PHACTR2: variants seen among roughly 807,000 people sequenced by gnomAD.
PHACTR2 encodes phosphatase and actin regulator 2, also known as chromosome 6 open reading frame 56.
PHACTR2 carries 30 observed loss-of-function variants against 76.0 expected under a neutral mutation model. The ratio of observed to expected loss-of-function variants is 0.39; its 90% CI spans 0.30 to 0.54. The LOEUF (loss-of-function observed/expected upper bound fraction) is 0.54, where lower values mean the gene tolerates loss of function less well. PHACTR2 is among the 20% of genes least tolerant of loss of function. The pLI is 0.61. For synonymous variants in PHACTR2, 292 were observed against 292.5 expected (o/e 1.00, Z 0.02); for missense variants, 696 against 781.1 (o/e 0.89, Z 1.30).
Position 143,654,153 on chromosome 6 carries a change from C to G in PHACTR2, c.13+45831C>G, listed in dbSNP as rs1776807725. Among the ~76,000 whole-genome samples, 1 of 152,276 alleles carries G rather than the reference C, an allele frequency of 6.6e-6. No homozygotes were observed. The highest frequency in any genetic ancestry group is 2.4e-5 in the African/African-American group (1 of 41,552). ...ATCAGGGAAATACAAATCAAAACCA[C>G]AAGAGACCACTTTATACCCATGGGA... On this transcript the variant is annotated intron_variant, in intron 1 of 11. Coordinates refer to the PHACTR2 transcript ENST00000305766. The surrounding 1 kb of genome is among the most constrained non-coding windows in gnomAD (Gnocchi z 4.6).
chr6:143,569,381 C>A (rs567290204), intron 1 of PHACTR2, among the ~76,000 whole-genome samples: 2 of 152,154 alleles, frequency 1.3e-5, no homozygotes, highest in Non-Finnish European at 2.9e-5. Context: ...TCATGTGGCC[C>A]ACAATGGACT....
Position 143,772,988 on chromosome 6 carries a change from G to C in PHACTR2, c.1432+531G>C, listed in dbSNP as rs1299548019. Reference sequence around the variant, plus strand: ...CTAATTTTGGGAGGCTAACGTGGGTGAATCCCTTGAGGTCAGGAGTTCGAG... The same window carrying C: ...CTAATTTTGGGAGGCTAACGTGGGTCAATCCCTTGAGGTCAGGAGTTCGAG... On this transcript the variant is annotated intron_variant, in intron 7 of 12. Transcript: ENST00000440869. The surrounding 1 kb of genome is among the most constrained non-coding windows in gnomAD (Gnocchi z 5.4). Among the ~76,000 whole-genome samples the C allele has an allele frequency of 6.6e-6, 1 of 152,234 alleles. No individual in the cohort carries two copies. Among genetic ancestry groups the C allele is most frequent in the Admixed American group, 6.5e-5 (1 of 15,288 alleles).
rs1331938994 is a variant in PHACTR2 at position 143,563,562 on chromosome 6, A to AACAAAAC, written c.217+26356_217+26357insCAAAACA. 6.6e-5 allele frequency among the ~76,000 whole-genome samples: 10 copies of AACAAAAC among 151,186 alleles called. 1 individual carries two copies. The highest frequency in any genetic ancestry group is 1.5e-4 in the Non-Finnish European group (10 of 67,668). On this transcript the variant is annotated intron_variant, in intron 1 of 11. Coordinates refer to the PHACTR2 transcript ENST00000367584. ...CACAAACTCCGTCTCAAAAAAAAAA[A>AACAAAAC]AAAAAAAAAGAAGAAACCCTGTGTT...
intron 1 of PHACTR2, among the ~76,000 whole-genome samples, chr6:143,630,417 A>G (rs542454784): frequency 7.2e-5 from 11 of 152,002 alleles, no homozygotes; most frequent in African/African-American, 2.6e-4. Flanking sequence ...ACTACCTACC[A>G]GTTTTATCCA....
rs958900718 is a variant in PHACTR2 at position 143,827,167 on chromosome 6, T to G, written c.*3478T>G. 2 of 83,412 alleles carry G rather than the reference T, an allele frequency of 2.4e-5. No individual in the cohort carries two copies. The highest frequency in any genetic ancestry group is 8.4e-5 in the African/African-American group (2 of 23,950). 5.2% of individuals were successfully genotyped at this position (83,412 alleles called of 1,614,324 possible). A position where few individuals can be genotyped will look rare whatever the true frequency, so the allele number is the denominator to read the frequency against. On this transcript the variant is annotated 3_prime_UTR_variant, in exon 13 of 13. Transcript: ENST00000440869. ...CATTAAAAAAGAAAATATATATATA[T>G]ATATATATATATATATATATATATA... is the stretch of plus-strand genomic sequence containing the variant.
chr6:143,565,993 T>C (rs1047088177), intron 1 of PHACTR2, among the ~76,000 whole-genome samples: 7 of 152,128 alleles, frequency 4.6e-5, no homozygotes, highest in African/African-American at 1.4e-4. Context: ...TCAGGAGGCT[T>C]GTGGGGGGTT....
At position 143,761,924 on chromosome 6, in the gene PHACTR2, C is replaced by A. The variant is rs1779452295; in HGVS notation, c.694+1284C>A. On this transcript the variant is annotated intron_variant, in intron 5 of 12. Coordinates refer to ENST00000440869, the MANE Select transcript of PHACTR2 (RefSeq NM_001100164.2). This position sits in a 1 kb window ranked among gnomAD's most constrained non-coding sequence, Gnocchi z 5.2. ...CAGATCTCTGAATGCCAATAGACATCCCTCTCCCTGTGCTCCTCATGTCCC... is the reference window on the plus strand; with the variant it reads ...CAGATCTCTGAATGCCAATAGACATACCTCTCCCTGTGCTCCTCATGTCCC... Among the ~76,000 whole-genome samples, 1 of 152,132 alleles carries A rather than the reference C, an allele frequency of 6.6e-6. No homozygotes were observed. The highest frequency in any genetic ancestry group is 2.4e-5 in the African/African-American group (1 of 41,406).
intron 1 of PHACTR2, among the ~76,000 whole-genome samples, chr6:143,640,970 T>G (rs1453670809): frequency 6.6e-6 from 1 of 152,176 alleles, no homozygotes; most frequent in Non-Finnish European, 1.5e-5. Context: ...GTCTGTTTTA[T>G]GCTTCTGTAA....
At chr6:143,620,189 G>A (rs898918916) in intron 1 of PHACTR2, among the ~76,000 whole-genome samples, 4 of 152,154 alleles carry the variant, frequency 2.6e-5, no homozygotes, top group African/African-American at 9.7e-5. Context: ...TAAAGCTCCA[G>A]CTTTAACTTC....
chr6:143,727,909 G>T (rs1778609705), intron 2 of PHACTR2, among the ~76,000 whole-genome samples: 1 of 152,142 alleles, frequency 6.6e-6, no homozygotes, highest in Admixed American at 6.5e-5. Context: ...AAAGTTAAAA[G>T]CCTTTCCTCT....
intron 1 of PHACTR2, among the ~76,000 whole-genome samples, chr6:143,576,826 A>G (rs1417650526): frequency 2.8e-5 from 4 of 143,888 alleles, no homozygotes; most frequent in Non-Finnish European, 6.0e-5. Context: ...CAGTGAGCCG[A>G]ACTCGTACCA....
Position 143,822,282 on chromosome 6 carries a change from C to G in PHACTR2, c.1923-1392C>G, listed in dbSNP as rs1438248619. Reference sequence around the variant, plus strand: ...ACTCAAGGCTGTCCTCCCACCTCAACCTCCCAAGCAGCTGGGATTACAGGT... The same window carrying G: ...ACTCAAGGCTGTCCTCCCACCTCAAGCTCCCAAGCAGCTGGGATTACAGGT... On this transcript the variant is annotated intron_variant, in intron 12 of 12. Transcript: ENST00000440869. This position sits in a 1 kb window ranked among gnomAD's most constrained non-coding sequence, Gnocchi z 5.5. Among the ~76,000 whole-genome samples, 1 of 152,144 alleles carries G rather than the reference C, an allele frequency of 6.6e-6. No individual in the cohort carries two copies. Among genetic ancestry groups the G allele is most frequent in the African/African-American group, 2.4e-5 (1 of 41,432 alleles).
chr6:143,702,651 G>A (rs1239382657), intron 1 of PHACTR2, among the ~76,000 whole-genome samples: 2 of 151,986 alleles, frequency 1.3e-5, no homozygotes, highest in Non-Finnish European at 2.9e-5. Flanking sequence ...ATAGCATAAT[G>A]TGAAAGTACT....
chr6:143,777,252 C>T lies in PHACTR2; in HGVS notation c.1590-76C>T. 1 of 742,148 alleles carries T rather than the reference C, an allele frequency of 1.3e-6. No individual in the cohort carries two copies. The highest frequency in any genetic ancestry group is 2.3e-6 in the Non-Finnish European group (1 of 435,254). The allele number at this position is 742,148 out of a possible 1,614,324, so 46.0% of individuals were successfully genotyped here. On this transcript the variant is annotated intron_variant, in intron 8 of 12. Transcript: ENST00000440869. The surrounding 1 kb of genome is among the most constrained non-coding windows in gnomAD (Gnocchi z 4.6). ...ATTTCTCAAAACATGAAAAATAGAG[C>T]TTTGTTGTTTTATTCTGAGTCTCCT...
At chr6:143,746,736 T>A (rs1779075435) in intron 2 of PHACTR2, among the ~76,000 whole-genome samples, 1 of 152,164 alleles carries the variant, frequency 6.6e-6, no homozygotes, top group Non-Finnish European at 1.5e-5. Flanking sequence ...TTTGGCTTCC[T>A]GCCGTTGATA....
intron 1 of PHACTR2, among the ~76,000 whole-genome samples, chr6:143,666,233 T>A (rs1026473892): frequency 1.3e-5 from 2 of 152,238 alleles, no homozygotes; most frequent in East Asian, 3.8e-4. Flanking sequence ...CTGCATAGTA[T>A]TCCATGGTGT....
intron 1 of PHACTR2, among the ~76,000 whole-genome samples, chr6:143,567,520 T>A (rs1013487409): frequency 2.0e-5 from 3 of 152,222 alleles, no homozygotes; most frequent in Admixed American, 6.5e-5. Context: ...TGTCTGAGCC[T>A]CCTGCGTAGC....
intron 1 of PHACTR2, among the ~76,000 whole-genome samples, chr6:143,649,246 G>C (rs1296597751): frequency 6.6e-6 from 1 of 152,156 alleles, no homozygotes; most frequent in Non-Finnish European, 1.5e-5. Flanking sequence ...GATAAGGAGG[G>C]TGTGAAACAG....
At chr6:143,759,135 T>C (rs1259700364) in intron 4 of PHACTR2, among the ~76,000 whole-genome samples, 3 of 152,232 alleles carry the variant, frequency 2.0e-5, no homozygotes, top group East Asian at 1.9e-4. Flanking sequence ...CAGATGTGAA[T>C]ATATGAATGA....
Sources: allele counts gnomAD v4.1 joint callset (sites outside exome capture counted in the v4.1 genomes callset), GRCh38; gene constraint gnomAD v4.1.1; non-coding constraint Gnocchi (gnomAD v3.1); transcripts MANE v1.5; gene names NCBI Gene and HGNC (gene_info 2026-07-23, HGNC 2026-07-21).